The following VPS13D variants were observed in gnomAD, a reference collection of about 807,000 sequenced individuals.
The protein encoded by VPS13D is vacuolar protein sorting 13 homolog D.
Under a neutral mutation model 461.9 loss-of-function variants are expected in VPS13D, and 187 were observed. The observed-to-expected ratio is 0.40, with a 90% CI of 0.36 to 0.46. The LOEUF is 0.46. Ranked by LOEUF, VPS13D falls within the 20% of genes least tolerant of loss-of-function variation. The pLI, the probability that VPS13D is intolerant of heterozygous loss-of-function variation, is 0.60. For missense variants in VPS13D, 4,711 were observed against 5,364.9 expected, an observed-to-expected ratio of 0.88 and a Z score of 3.81; for synonymous variants, 1,951 against 1,986.3, an observed-to-expected ratio of 0.98 and a Z score of 0.47.
chr1:12,387,126 T>C (rs1313037538), intron 60 of VPS13D, among the ~76,000 whole-genome samples: 3 of 152,190 alleles, frequency 2.0e-5, no homozygotes, highest in African/African-American at 7.2e-5. Context: ...CACACAGGGC[T>C]AGGAATAGTG....
chr1:12,277,482 G>A lies in VPS13D; in HGVS notation c.3894G>A (p.Lys1298=). 1 of 1,614,162 alleles carries A rather than the reference G, an allele frequency of 6.2e-7. No homozygotes were observed. The highest frequency in any genetic ancestry group is 8.5e-7 in the Non-Finnish European group (1 of 1,180,012). ...CTTTACATTATAACCACTCTGCTAA[G>A]TTTTTGAAGGAGTTGACGTTATCCA... is the stretch of plus-strand genomic sequence containing the variant. ...MASLHYNHSA[K]FLKELTLSMD... Residue 1298 remains lysine, a synonymous_variant, in exon 19 of 70, where the codon AAG becomes AAA. Coordinates refer to ENST00000620676, the MANE Select transcript of VPS13D (RefSeq NM_015378.4).
chr1:12,477,518 C>T (rs140680709), intron 67 of VPS13D, among the ~76,000 whole-genome samples: 2 of 152,160 alleles, frequency 1.3e-5, no homozygotes, highest in Non-Finnish European at 2.9e-5. Flanking sequence ...AAATGTGCCA[C>T]TCTAGAACAT....
chr1:12,395,701 G>T (rs1644485821), intron 60 of VPS13D, among the ~76,000 whole-genome samples: 1 of 152,004 alleles, frequency 6.6e-6, no homozygotes. Flanking sequence ...AAGGTATTAT[G>T]TATAGAGTCA....
At position 12,262,013 on chromosome 1, in the gene VPS13D, T is replaced by C; in HGVS notation, c.1527T>C (p.Thr509=). Residue 509 remains threonine (T), a synonymous_variant, in exon 13 of 70, where the codon ACT becomes ACC. Transcript: ENST00000620676. ...LNLQLQRGTV[T]LLHKEQGTPQ... Reference sequence around the variant, plus strand: ...TGCAGTTGCAGCGAGGTACAGTGACTCTGTTACACAAGGAGCAAGGAACTC... The same window carrying C: ...TGCAGTTGCAGCGAGGTACAGTGACCCTGTTACACAAGGAGCAAGGAACTC... 1 of 1,614,180 alleles carries C rather than the reference T, an allele frequency of 6.2e-7. No individual in the cohort carries two copies. Among genetic ancestry groups the C allele is most frequent in the Non-Finnish European group, 8.5e-7 (1 of 1,180,020 alleles).
chr1:12,390,462 C>T (rs750278225), intron 60 of VPS13D, among the ~76,000 whole-genome samples: 14 of 152,124 alleles, frequency 9.2e-5, no homozygotes, highest in Admixed American at 1.3e-4. Flanking sequence ...CTTCTTTAGC[C>T]GTAAGGTGAG....
chr1:12,485,804 A>G (rs1039596259), intron 67 of VPS13D, among the ~76,000 whole-genome samples: 3 of 152,196 alleles, frequency 2.0e-5, no homozygotes, highest in Admixed American at 6.5e-5. Flanking sequence ...CACTGGGGGC[A>G]CTTAATTAAA....
intron 29 of VPS13D, among the ~76,000 whole-genome samples, chr1:12,313,701 T>G (rs1365113085): frequency 6.6e-6 from 1 of 152,152 alleles, no homozygotes; most frequent in Non-Finnish European, 1.5e-5. Flanking sequence ...CATAAACAGT[T>G]GGACAGACCC....
chr1:12,416,864 C>A, intron 65 of VPS13D, 37 bp downstream of exon 65: 2 of 1,581,422 alleles, frequency 1.3e-6, no homozygotes, highest in Admixed American at 1.8e-5. Context: ...TATAATTAAC[C>A]TCACGAGTCC....
chr1:12,245,506 A>G (rs773929233), intron 5 of VPS13D, among the ~76,000 whole-genome samples: 7 of 152,216 alleles, frequency 4.6e-5, no homozygotes, highest in Non-Finnish European at 1.0e-4. Flanking sequence ...GTATATTTAC[A>G]AGGTTGTGCG....
chr1:12,371,289 A>G (rs1263678162), intron 54 of VPS13D, among the ~76,000 whole-genome samples: 2 of 152,156 alleles, frequency 1.3e-5, no homozygotes, highest in African/African-American at 4.8e-5. Flanking sequence ...GGACATTCAC[A>G]GAAATGGAAT....
Position 12,277,236 on chromosome 1 carries a change from T to A in VPS13D, c.3648T>A (p.Ser1216=), listed in dbSNP as rs753248632. 1 of 1,614,122 alleles carries A rather than the reference T, an allele frequency of 6.2e-7. No homozygotes were observed. Among genetic ancestry groups the A allele is most frequent in the Non-Finnish European group, 8.5e-7 (1 of 1,180,040 alleles). ...SMGSTFDMNG[S]LGCLQLMDLT... ...GTAGCACGTTTGACATGAATGGTTC[T>A]CTTGGCTGTTTACAGCTTATGGATT... Residue 1216 remains serine, a synonymous_variant, in exon 19 of 70, where the codon TCT becomes TCA. Coordinates refer to ENST00000620676, the MANE Select transcript of VPS13D (RefSeq NM_015378.4).
chr1:12,466,240 C>T (rs977095685), intron 67 of VPS13D, among the ~76,000 whole-genome samples: 1 of 152,128 alleles, frequency 6.6e-6, no homozygotes, highest in Non-Finnish European at 1.5e-5. Context: ...CTGAGAGCAG[C>T]CATTTCTTAT....
At chr1:12,268,677 C>T (rs112166039) in intron 15 of VPS13D, 29 bp from the exon 16 acceptor site, 86 of 1,599,126 alleles carry the variant, frequency 5.4e-5, no homozygotes, top group African/African-American at 5.3e-4. Context: ...TGCCTTGTTC[C>T]GTGTTCTTAT....
At chr1:12,326,797 C>T (rs1421248356) in intron 35 of VPS13D, among the ~76,000 whole-genome samples, 1 of 152,060 alleles carries the variant, frequency 6.6e-6, no homozygotes, top group Non-Finnish European at 1.5e-5. Flanking sequence ...GCACATGCCA[C>T]CACGCCCAGC....
intron 67 of VPS13D, among the ~76,000 whole-genome samples, chr1:12,487,474 G>A (rs1221703252): frequency 6.6e-6 from 1 of 152,116 alleles, no homozygotes; most frequent in East Asian, 1.9e-4. Context: ...AGCCGGGCAT[G>A]GTGCCGTATA....
Position 12,275,947 on chromosome 1 carries a change from A to T in VPS13D, c.2359A>T (p.Asn787Tyr), listed in dbSNP as rs1258565603. ...CCCACCTCCCGAGTCAAGCAGCAGC[A>T]ACGGAGAGAAAACACCTCCCTTTTC... ...NTPPPESSSS[N>Y]GEKTPPFSGV... Residue 787 changes from asparagine to tyrosine, a missense_variant, in exon 19 of 70, where the codon AAC becomes TAC. By Grantham distance (143) the Asn-to-Tyr change is moderately radical (BLOSUM62 -2). Transcript: ENST00000620676. The T allele has an allele frequency of 6.2e-7, 1 of 1,613,910 alleles. No homozygotes were observed. Among genetic ancestry groups the T allele is most frequent in the Admixed American group, 1.7e-5 (1 of 59,968 alleles).
intron 65 of VPS13D, among the ~76,000 whole-genome samples, chr1:12,449,704 A>G (rs1645237367): frequency 1.3e-5 from 2 of 152,228 alleles, no homozygotes; most frequent in South Asian, 4.1e-4. Flanking sequence ...TCCTAGTAGT[A>G]TACCAGCAGA....
intron 55 of VPS13D, among the ~76,000 whole-genome samples, chr1:12,374,083 G>A (rs138385713): frequency 1.8e-3 from 273 of 152,290 alleles, no homozygotes; most frequent in East Asian, 0.015. Context: ...TCAGCAGAAC[G>A]TGAATAATAA....
At chr1:12,348,588 T>C (rs557446982) in intron 44 of VPS13D, among the ~76,000 whole-genome samples, 6 of 152,372 alleles carry the variant, frequency 3.9e-5, no homozygotes, top group Non-Finnish European at 7.3e-5. Flanking sequence ...CTTTGTGATA[T>C]CACATCTGAG....
Sources: gnomAD v4.1 joint callset for allele counts (sites outside exome capture counted in the v4.1 genomes callset) on GRCh38, gnomAD v4.1.1 for gene constraint, MANE v1.5 for transcripts, NCBI Gene and HGNC (gene_info 2026-07-23, HGNC 2026-07-21) for gene names.